The following SNTB1 variants were observed in gnomAD, a reference collection of about 807,000 sequenced individuals.
SNTB1 encodes beta-1-syntrophin.
A neutral mutation model predicts 48.9 loss-of-function variants in SNTB1; 36 were observed. The observed-to-expected ratio is 0.74, with a 90% CI of 0.56 to 0.97. The LOEUF is 0.97. SNTB1 is among the 50% of genes least tolerant of loss of function. The pLI is 0.00. For missense variants in SNTB1, 786 were observed against 703.4 expected (o/e 1.12, Z -1.33); for synonymous variants, 299 against 294.6 (o/e 1.01, Z -0.15).
chr8:120,692,214 G>C (rs945333247), intron 2 of SNTB1, among the ~76,000 whole-genome samples: 6 of 152,144 alleles, frequency 3.9e-5, no homozygotes, highest in Non-Finnish European at 7.3e-5. Context: ...AGCGTCCTTA[G>C]AGTGAGCTAA....
chr8:120,547,480 C>G (rs1815402418), intron 5 of SNTB1, among the ~76,000 whole-genome samples: 1 of 151,526 alleles, frequency 6.6e-6, no homozygotes, highest in Admixed American at 6.6e-5. Context: ...GCCTGTAATT[C>G]CAGCTACTCA....
intron 6 of SNTB1, 26 bp from the exon 7 acceptor site, chr8:120,538,995 G>T: frequency 6.4e-7 from 1 of 1,566,724 alleles, no homozygotes; most frequent in Non-Finnish European, 8.7e-7. Context: ...AAGAGAGCAT[G>T]AGCGATTTTA....
At chr8:120,752,730 C>T (rs553356672) in intron 1 of SNTB1, among the ~76,000 whole-genome samples, 6 of 152,008 alleles carry the variant, frequency 3.9e-5, no homozygotes, top group African/African-American at 1.4e-4. Context: ...AACAGAAAAC[C>T]AAATACCACA....
intron 1 of SNTB1, among the ~76,000 whole-genome samples, chr8:120,797,743 A>C (rs928841418): frequency 5.9e-5 from 9 of 151,994 alleles, no homozygotes; most frequent in African/African-American, 2.2e-4. Flanking sequence ...GCTGACCTCT[A>C]TGCGCCAGAT....
At chr8:120,558,497 G>C (rs1815604860) in intron 4 of SNTB1, among the ~76,000 whole-genome samples, 1 of 152,190 alleles carries the variant, frequency 6.6e-6, no homozygotes, top group Non-Finnish European at 1.5e-5. Context: ...CATTCCCATG[G>C]TTGGAAGCAA....
At chr8:120,649,702 G>C (rs1418173833) in intron 2 of SNTB1, among the ~76,000 whole-genome samples, 3 of 151,918 alleles carry the variant, frequency 2.0e-5, no homozygotes, top group Admixed American at 6.6e-5. Context: ...CACCCAGTTC[G>C]AGCTTCCCGG....
chr8:120,696,442 A>G (rs1203827665), intron 1 of SNTB1, among the ~76,000 whole-genome samples: 1 of 152,240 alleles, frequency 6.6e-6, no homozygotes, highest in Non-Finnish European at 1.5e-5. Flanking sequence ...AAGAACATTT[A>G]CAATATACTT....
intron 4 of SNTB1, among the ~76,000 whole-genome samples, chr8:120,551,718 T>C (rs1586990464): frequency 9.9e-6 from 1 of 101,068 alleles, no homozygotes; most frequent in Admixed American, 1.5e-4. Flanking sequence ...AGAGTGAGAC[T>C]CCATCTCAAA....
rs907363911 is a variant in SNTB1 at position 120,538,072 on chromosome 8, A to C, written c.*805T>G. On this transcript the variant is annotated 3_prime_UTR_variant, in exon 7 of 7. Coordinates refer to ENST00000517992, the MANE Select transcript of SNTB1 (RefSeq NM_021021.4). ...AATACCCATAATTCACTCTCTATAAATAAAGCTGTAATTCTTGGCTATAAG... is the reference window on the plus strand; with the variant it reads ...AATACCCATAATTCACTCTCTATAACTAAAGCTGTAATTCTTGGCTATAAG... 15 of 152,386 alleles carry C rather than the reference A, an allele frequency of 9.8e-5. No individual in the cohort carries two copies. Among genetic ancestry groups the C allele is most frequent in the African/African-American group, 3.6e-4 (15 of 41,448 alleles). 9.4% of individuals were successfully genotyped at this position (152,386 alleles called of 1,614,324 possible).
intron 2 of SNTB1, among the ~76,000 whole-genome samples, chr8:120,664,117 C>A (rs1232006415): frequency 6.6e-6 from 1 of 152,068 alleles, no homozygotes; most frequent in Non-Finnish European, 1.5e-5. Flanking sequence ...GTGTGCCATT[C>A]AGGAAGCACA....
intron 1 of SNTB1, among the ~76,000 whole-genome samples, chr8:120,713,448 C>T (rs1441894264): frequency 1.3e-5 from 2 of 152,140 alleles, no homozygotes; most frequent in Admixed American, 1.3e-4. Flanking sequence ...TTGAATCATA[C>T]AGGCTGGGCA....
At chr8:120,802,782 A>G (rs1820250903) in intron 1 of SNTB1, among the ~76,000 whole-genome samples, 1 of 152,134 alleles carries the variant, frequency 6.6e-6, no homozygotes, top group South Asian at 2.1e-4. Context: ...TTTAGGACTT[A>G]CCAAATTCCG....
chr8:120,620,457 C>T (rs1352183204), intron 3 of SNTB1, among the ~76,000 whole-genome samples: 1 of 151,978 alleles, frequency 6.6e-6, no homozygotes, highest in Non-Finnish European at 1.5e-5. Context: ...ATGCAAAGCC[C>T]CTGCTCTTCC....
At chr8:120,687,824 G>T (rs1282991033) in intron 2 of SNTB1, among the ~76,000 whole-genome samples, 1 of 152,162 alleles carries the variant, frequency 6.6e-6, no homozygotes, top group African/African-American at 2.4e-5. Context: ...CAACTGTGTT[G>T]CTCATCATAA....
At chr8:120,583,398 C>G (rs923770348) in intron 3 of SNTB1, among the ~76,000 whole-genome samples, 1 of 151,756 alleles carries the variant, frequency 6.6e-6, no homozygotes, top group Non-Finnish European at 1.5e-5. Flanking sequence ...CCCAGCTACT[C>G]CTACTCAGGA....
intron 1 of SNTB1, among the ~76,000 whole-genome samples, chr8:120,725,086 G>T (rs1385446607): frequency 6.6e-6 from 1 of 152,114 alleles, no homozygotes; most frequent in Admixed American, 6.6e-5. Flanking sequence ...AGAACTTTCT[G>T]CAAAACTGCA....
intron 1 of SNTB1, among the ~76,000 whole-genome samples, chr8:120,728,774 T>C (rs1386723133): frequency 6.6e-6 from 1 of 152,232 alleles, no homozygotes; most frequent in African/African-American, 2.4e-5. Context: ...ATGTCTTAGT[T>C]ATCGTGAATA....
intron 2 of SNTB1, among the ~76,000 whole-genome samples, chr8:120,639,823 G>C (rs747342703): frequency 5.8e-4 from 89 of 152,314 alleles, no homozygotes; most frequent in Non-Finnish European, 9.8e-4. Context: ...GATGCCTTCA[G>C]CTTTGCTCTC....
intron 1 of SNTB1, among the ~76,000 whole-genome samples, chr8:120,759,882 A>G (rs972017364): frequency 6.6e-5 from 10 of 152,108 alleles, no homozygotes; most frequent in African/African-American, 2.4e-4. Flanking sequence ...GGTGCCCATC[A>G]TTTGATTTTC....
Sources: allele counts gnomAD v4.1 joint callset (sites outside exome capture counted in the v4.1 genomes callset), GRCh38; gene constraint gnomAD v4.1.1; transcripts MANE v1.5; gene names NCBI Gene and HGNC (gene_info 2026-07-23, HGNC 2026-07-21).